SHTN1: variants seen among roughly 807,000 people sequenced by gnomAD.
SHTN1 encodes shootin-1.
In SHTN1, 42 loss-of-function variants were observed where a neutral mutation model predicts 83.1. That is an observed-to-expected ratio of 0.51 (90% CI 0.39 to 0.65). The LOEUF (loss-of-function observed/expected upper bound fraction) is 0.65. SHTN1 is among the 30% of genes least tolerant of loss of function. The pLI is 0.00. For missense variants in SHTN1, 622 were observed against 737.8 expected, an observed-to-expected ratio of 0.84 and a Z score of 1.82; for synonymous variants, 224 against 247.7, an observed-to-expected ratio of 0.90 and a Z score of 0.90.
At chr10:117,123,952 C>T (rs1233077956) in intron 1 of SHTN1, among the ~76,000 whole-genome samples, 1 of 150,072 alleles carries the variant, frequency 6.7e-6, no homozygotes, top group East Asian at 2.0e-4. Flanking sequence ...TGACTCATAC[C>T]TGTAATCCGA....
At position 116,929,940 on chromosome 10, in the gene SHTN1, T is replaced by A. The variant is rs1220448282; in HGVS notation, c.921A>T (p.Lys307Asn). 1 of 1,608,994 alleles carries A rather than the reference T, an allele frequency of 6.2e-7. No individual in the cohort carries two copies. Among genetic ancestry groups the A allele is most frequent in the African/African-American group, 1.3e-5 (1 of 74,760 alleles). The change falls in exon 10 of 17, where the codon AAA (lysine) becomes AAT (asparagine). Residue 307 changes from lysine (K) to asparagine (N), a missense_variant. Physicochemically the swap from Lys to Asn is moderately conservative, Grantham distance 94 (BLOSUM62 0). This residue lies in a region of SHTN1 where 383 missense variants were observed against 455.8 expected (regional missense o/e 0.84). Transcript: ENST00000355371. ...ETLHKEIHNL[K>N]QQLELLEEDK... ...CTTCCTCTAGAAGCTCCAGTTGCTG[T>A]TTGAGGTTGTGTATTTCTTTGTGGA... is the stretch of plus-strand genomic sequence containing the variant.
At chr10:117,019,095 C>T (rs1379107504) in intron 2 of SHTN1, among the ~76,000 whole-genome samples, 4 of 151,214 alleles carry the variant, frequency 2.6e-5, no homozygotes, top group African/African-American at 7.3e-5. Context: ...TAAAAAATTA[C>T]TTGTATGTCT....
At chr10:117,049,651 C>T (rs552440902) in intron 1 of SHTN1, among the ~76,000 whole-genome samples, 17 of 152,266 alleles carry the variant, frequency 1.1e-4, no homozygotes, top group African/African-American at 4.1e-4. Context: ...AACAGATAGT[C>T]TAGTACTATT....
intron 1 of SHTN1, among the ~76,000 whole-genome samples, chr10:117,004,715 C>T (rs1023963581): frequency 6.6e-6 from 1 of 152,160 alleles, no homozygotes; most frequent in African/African-American, 2.4e-5. Flanking sequence ...CACTGTGCAA[C>T]CTCGTCCGCA....
intron 14 of SHTN1, among the ~76,000 whole-genome samples, chr10:116,908,658 A>G (rs1848069969): frequency 6.6e-6 from 1 of 152,236 alleles, no homozygotes; most frequent in African/African-American, 2.4e-5. Flanking sequence ...GGCTTGATTT[A>G]ATTCAAGGAA....
At chr10:117,047,239 G>A (rs1446812174) in intron 2 of SHTN1, among the ~76,000 whole-genome samples, 2 of 151,862 alleles carry the variant, frequency 1.3e-5, no homozygotes, top group Non-Finnish European at 2.9e-5. Context: ...TAATTTTTTT[G>A]TATTTTTGGT....
At chr10:117,018,328 C>T (rs1852210538) in intron 2 of SHTN1, among the ~76,000 whole-genome samples, 1 of 151,994 alleles carries the variant, frequency 6.6e-6, no homozygotes, top group Non-Finnish European at 1.5e-5. Flanking sequence ...AGAAGCTACA[C>T]ATCAACTGGC....
At chr10:116,928,734 G>A (rs998901110) in intron 10 of SHTN1, among the ~76,000 whole-genome samples, 1 of 152,176 alleles carries the variant, frequency 6.6e-6, no homozygotes, top group Admixed American at 6.5e-5. Flanking sequence ...TGTGGGCTAT[G>A]CTCTCCAAAA....
upstream of SHTN1, among the ~76,000 whole-genome samples, chr10:117,010,228 G>A (rs1260325298): frequency 6.6e-6 from 1 of 151,352 alleles, no homozygotes; most frequent in Non-Finnish European, 1.5e-5. Flanking sequence ...ATTAAAATGG[G>A]GACAGTAATA....
intron 10 of SHTN1, among the ~76,000 whole-genome samples, chr10:116,928,561 A>G (rs74159014): frequency 0.058 from 8,800 of 152,276 alleles, 833 homozygotes; most frequent in African/African-American, 0.19. Flanking sequence ...ACTTAAGTTG[A>G]TATCACAGGT....
At chr10:116,991,738 A>G (rs1195523267) in intron 1 of SHTN1, among the ~76,000 whole-genome samples, 1 of 152,200 alleles carries the variant, frequency 6.6e-6, no homozygotes, top group Non-Finnish European at 1.5e-5. Flanking sequence ...AAATTTCAAC[A>G]TGAGATTTTG....
chr10:117,107,386 C>A (rs1853685589), intron 1 of SHTN1, among the ~76,000 whole-genome samples: 1 of 152,092 alleles, frequency 6.6e-6, no homozygotes, highest in Non-Finnish European at 1.5e-5. Context: ...CTGTACATCT[C>A]CCCCTGAAGC....
intron 2 of SHTN1, among the ~76,000 whole-genome samples, chr10:117,027,601 C>T (rs956542921): frequency 1.3e-5 from 2 of 151,900 alleles, no homozygotes; most frequent in Admixed American, 1.3e-4. Flanking sequence ...CAGGTTCATG[C>T]CATTCTCCTG....
intron 1 of SHTN1, among the ~76,000 whole-genome samples, chr10:117,104,094 T>C (rs1853640494): frequency 6.6e-6 from 1 of 152,152 alleles, no homozygotes. Context: ...AGGAGTCAAA[T>C]ACATGTTTAT....
chr10:116,927,646 CAACCA>C, intron 11 of SHTN1, 141 bp downstream of exon 11: 1 of 1,119,280 alleles, frequency 8.9e-7, no homozygotes, highest in East Asian at 2.8e-5. Context: ...GGTGGGGACA[CAACCA>C]AACCATATCA....
chr10:117,009,387 G>A (rs1852068034), upstream of SHTN1, among the ~76,000 whole-genome samples: 1 of 151,950 alleles, frequency 6.6e-6, no homozygotes, highest in Non-Finnish European at 1.5e-5. Context: ...GCAAAAAAAA[G>A]TATGATCTAA....
intron 2 of SHTN1, among the ~76,000 whole-genome samples, chr10:117,020,961 C>T (rs1852251398): frequency 6.6e-6 from 1 of 151,674 alleles, no homozygotes; most frequent in Non-Finnish European, 1.5e-5. Flanking sequence ...TAATACAACT[C>T]AGTAATTAAA....
intron 8 of SHTN1, among the ~76,000 whole-genome samples, chr10:116,941,117 C>T (rs1393104052): frequency 6.6e-6 from 1 of 152,134 alleles, no homozygotes; most frequent in Non-Finnish European, 1.5e-5. Context: ...TCTAATTTTA[C>T]TAATAAGGTA....
intron 5 of SHTN1, among the ~76,000 whole-genome samples, chr10:116,953,713 T>C (rs1384727582): frequency 6.9e-6 from 1 of 144,466 alleles, no homozygotes; most frequent in Non-Finnish European, 1.5e-5. Context: ...CTGCAACCTC[T>C]GCCTCCTGGG....
Sources: allele counts gnomAD v4.1 joint callset (sites outside exome capture counted in the v4.1 genomes callset), GRCh38; gene constraint gnomAD v4.1.1; regional missense constraint gnomAD v4.1.1; transcripts MANE v1.5; gene names NCBI Gene and HGNC (gene_info 2026-07-23, HGNC 2026-07-21).